Variants in RIPOR2 observed in about 807,000 individuals in gnomAD.
The protein encoded by RIPOR2 is RHO family interacting cell polarization regulator 2, also known as rho family-interacting cell polarization regulator 2.
A neutral mutation model predicts 114.5 loss-of-function variants in RIPOR2; 39 were observed. The observed-to-expected ratio is 0.34, with a 90% CI of 0.26 to 0.44. RIPOR2 has a LOEUF of 0.44. Ranked by LOEUF, RIPOR2 falls within the 20% of genes least tolerant of loss-of-function variation. RIPOR2 has a pLI of 1.00. For synonymous variants in RIPOR2, 445 were observed against 484.4 expected, an observed-to-expected ratio of 0.92 and a Z score of 1.07; for missense variants, 1,007 against 1,255.1, an observed-to-expected ratio of 0.80 and a Z score of 2.99.
intron 1 of RIPOR2, among the ~76,000 whole-genome samples, chr6:24,954,077 T>C (rs1377398100): frequency 6.6e-6 from 1 of 152,220 alleles, no homozygotes; most frequent in Non-Finnish European, 1.5e-5. Context: ...ATTTCTGTTG[T>C]TGAAGCCACC....
At chr6:24,901,666 T>A (rs892658998) in intron 1 of RIPOR2, among the ~76,000 whole-genome samples, 4 of 152,064 alleles carry the variant, frequency 2.6e-5, no homozygotes, top group African/African-American at 9.7e-5. Flanking sequence ...GAGAAAACGG[T>A]CATACCTCAA....
At chr6:24,838,398 C>A (rs960538109) in intron 14 of RIPOR2, among the ~76,000 whole-genome samples, 3 of 152,224 alleles carry the variant, frequency 2.0e-5, no homozygotes, top group Non-Finnish European at 4.4e-5. Context: ...GAGAACCAGG[C>A]CCAAATTTGT....
At chr6:24,992,383 C>A (rs1269948304) in intron 1 of RIPOR2, among the ~76,000 whole-genome samples, 1 of 152,166 alleles carries the variant, frequency 6.6e-6, no homozygotes, top group African/African-American at 2.4e-5. Flanking sequence ...TTGCAGGATA[C>A]AAAATCAATG....
At chr6:24,851,085 G>C (rs1762854393) in intron 9 of RIPOR2, among the ~76,000 whole-genome samples, 1 of 152,000 alleles carries the variant, frequency 6.6e-6, no homozygotes, top group African/African-American at 2.4e-5. Flanking sequence ...TAGTAAGACG[G>C]GGTTTCACCA....
At chr6:24,890,089 T>A (rs1438104645) in intron 1 of RIPOR2, among the ~76,000 whole-genome samples, 1 of 152,038 alleles carries the variant, frequency 6.6e-6, no homozygotes, top group Non-Finnish European at 1.5e-5. Context: ...GAGACAGGGT[T>A]TCACCATGTT....
intron 3 of RIPOR2, 28 bp downstream of exon 3, chr6:24,873,616 A>G: frequency 1.2e-6 from 2 of 1,600,058 alleles, no homozygotes; most frequent in African/African-American, 1.4e-5. Flanking sequence ...TCTTTCCTTA[A>G]AGTACATTAT....
rs368358138 is a variant in RIPOR2, at chr6:24,946,677, G to A, written c.77-70860C>T. Among the ~76,000 whole-genome samples the A allele has an allele frequency of 1.4e-4, 21 of 152,306 alleles. No individual in the cohort carries two copies. In the East Asian group the frequency reaches 3.7e-3, roughly 27 times the overall value. On this transcript the variant is annotated intron_variant, in intron 1 of 13. Coordinates refer to the RIPOR2 transcript ENST00000510784. ...ACCTGTAGGGCAGGGACTGGGATCAGGGGGTTCCTGGGGGAGCCAAAAGAA... is the reference window on the plus strand; with the variant it reads ...ACCTGTAGGGCAGGGACTGGGATCAAGGGGTTCCTGGGGGAGCCAAAAGAA...
intron 2 of RIPOR2, 143 bp downstream of exon 2, chr6:24,875,548 C>A (rs963890416): frequency 4.1e-6 from 3 of 730,186 alleles, no homozygotes; most frequent in Admixed American, 2.9e-5. Flanking sequence ...ATTTTTAGTA[C>A]ATCCTTTCCA....
At chr6:25,022,955 T>C (rs1455747749) in intron 1 of RIPOR2, among the ~76,000 whole-genome samples, 1 of 152,070 alleles carries the variant, frequency 6.6e-6, no homozygotes, top group East Asian at 1.9e-4. Context: ...ATTTCAGAAA[T>C]GTGAATGTCA....
intron 1 of RIPOR2, among the ~76,000 whole-genome samples, chr6:24,995,346 G>A (rs1774999146): frequency 6.6e-6 from 1 of 152,220 alleles, no homozygotes; most frequent in Non-Finnish European, 1.5e-5. Context: ...CAGGACAGAA[G>A]AGAAATGGTC....
chr6:24,999,643 C>T lies in RIPOR2; in HGVS notation c.76+42208G>A, dbSNP rs1343305959. 2.6e-5 allele frequency among the ~76,000 whole-genome samples: 4 copies of T among 151,860 alleles called. No homozygotes were observed. In the South Asian group the frequency reaches 6.2e-4, roughly 24 times the overall value. ...TGATCTCGGCTCACTGCAAGCTCCA[C>T]CTCCCGGGTTCACGCCATTCTCCTG... On this transcript the variant is annotated intron_variant, in intron 1 of 13. Transcript: ENST00000510784.
At chr6:24,863,427 A>C (rs1005012464) in intron 7 of RIPOR2, among the ~76,000 whole-genome samples, 1 of 152,200 alleles carries the variant, frequency 6.6e-6, no homozygotes, top group Non-Finnish European at 1.5e-5. Context: ...ATGACCTGCA[A>C]ATATGCCAAC....
chr6:25,004,689 C>T (rs562836396), intron 1 of RIPOR2, among the ~76,000 whole-genome samples: 55 of 152,262 alleles, frequency 3.6e-4, no homozygotes, highest in African/African-American at 1.3e-3. Flanking sequence ...CTGAAGGATG[C>T]CCTTTTAGAG....
At chr6:24,906,044 T>C (rs981666972) in intron 1 of RIPOR2, among the ~76,000 whole-genome samples, 1 of 152,228 alleles carries the variant, frequency 6.6e-6, no homozygotes, top group South Asian at 2.1e-4. Context: ...CTGTTGTTTT[T>C]CAGTACATAA....
At position 24,852,454 on chromosome 6, in the gene RIPOR2, G is replaced by A. The variant is rs796596235; in HGVS notation, c.759+121C>T. The stretch of plus-strand genomic sequence containing the variant: ...CCAGACTTTCTCATTGGCTTAAAAT[G>A]TTTTTCAAAATTAAAAATTAAAAAA... On this transcript the variant is annotated intron_variant, in intron 9 of 21. Coordinates refer to ENST00000643898, the MANE Select transcript of RIPOR2 (RefSeq NM_001286445.3). 3 of 795,770 alleles carry A rather than the reference G, an allele frequency of 3.8e-6. No homozygotes were observed. The African/African-American group carries it at 5.4e-5, about 14-fold the overall frequency. The allele number at this position is 795,770 out of a possible 1,614,324, so 49.3% of individuals were successfully genotyped here.
At chr6:24,877,540 T>A (rs1361794114) in intron 1 of RIPOR2, among the ~76,000 whole-genome samples, 1 of 152,142 alleles carries the variant, frequency 6.6e-6, no homozygotes, top group Admixed American at 6.5e-5. Flanking sequence ...CACAAATGGT[T>A]AGACAAAATG....
intron 1 of RIPOR2, among the ~76,000 whole-genome samples, chr6:24,990,800 A>T (rs58858607): frequency 0.029 from 4,400 of 152,332 alleles, 117 homozygotes; most frequent in African/African-American, 0.07. Context: ...TAGATAGAAA[A>T]GAATGGATGG....
intron 1 of RIPOR2, among the ~76,000 whole-genome samples, chr6:24,878,797 G>A (rs992074213): frequency 6.6e-6 from 1 of 152,094 alleles, no homozygotes; most frequent in Non-Finnish European, 1.5e-5. Flanking sequence ...AAAAAGAAAA[G>A]ATACCAAGTT....
intron 6 of RIPOR2, among the ~76,000 whole-genome samples, chr6:24,866,749 G>A (rs936984719): frequency 1.3e-5 from 2 of 151,966 alleles, no homozygotes; most frequent in Non-Finnish European, 2.9e-5. Flanking sequence ...ATTTTCAGGC[G>A]GATAACAAAC....
Sources: gnomAD v4.1 joint callset for allele counts (sites outside exome capture counted in the v4.1 genomes callset) on GRCh38, gnomAD v4.1.1 for gene constraint, MANE v1.5 for transcripts, NCBI Gene and HGNC (gene_info 2026-07-23, HGNC 2026-07-21) for gene names.